The following COG5 variants were observed in gnomAD, a reference collection of about 807,000 sequenced individuals.
COG5 encodes conserved oligomeric Golgi complex subunit 5.
A neutral mutation model predicts 110.4 loss-of-function variants in COG5; 86 were observed. The ratio of observed to expected loss-of-function variants is 0.78; its 90% CI spans 0.65 to 0.93. The LOEUF (loss-of-function observed/expected upper bound fraction) is 0.93. COG5 is among the 40% of genes least tolerant of loss of function. The probability of loss-of-function intolerance (pLI) is 0.00; values close to 1 mark genes in which losing one functional copy is unlikely to be tolerated. For synonymous variants in COG5, 360 were observed against 334.6 expected (o/e 1.08, Z -0.83); for missense variants, 1,077 against 987.0 (o/e 1.09, Z -1.22).
At chr7:107,471,036 T>A (rs1375407447) in intron 6 of COG5, among the ~76,000 whole-genome samples, 1 of 152,034 alleles carries the variant, frequency 6.6e-6, no homozygotes, top group Non-Finnish European at 1.5e-5. Context: ...AATAACAGTA[T>A]GTTTAGTGTA....
intron 6 of COG5, among the ~76,000 whole-genome samples, chr7:107,495,869 C>T (rs1798240528): frequency 6.6e-6 from 1 of 151,774 alleles, no homozygotes. Context: ...AAAGGAAATC[C>T]CAGACTAGAT....
chr7:107,274,204 G>C (rs1194707982), intron 14 of COG5, among the ~76,000 whole-genome samples: 1 of 152,168 alleles, frequency 6.6e-6, no homozygotes, highest in African/African-American at 2.4e-5. Context: ...TGAGGCAGGA[G>C]GATTGCTTGA....
At chr7:107,562,341 C>T (rs1294067758) in intron 1 of COG5, among the ~76,000 whole-genome samples, 1 of 152,194 alleles carries the variant, frequency 6.6e-6, no homozygotes, top group Non-Finnish European at 1.5e-5. Context: ...ATCCAATGTT[C>T]CACTGTTCAC....
chr7:107,484,240 C>T (rs1452135072), intron 6 of COG5, among the ~76,000 whole-genome samples: 59 of 151,858 alleles, frequency 3.9e-4, no homozygotes, highest in Admixed American at 3.9e-3. Flanking sequence ...ATTTTAGACA[C>T]AACTGAACTA....
intron 5 of COG5, among the ~76,000 whole-genome samples, chr7:107,530,621 A>C (rs993029221): frequency 6.6e-6 from 1 of 151,248 alleles, no homozygotes; most frequent in African/African-American, 2.4e-5. Context: ...AAAAAAAAAA[A>C]AAAAACACAG....
chr7:107,213,910 A>G (rs1329951552), intron 19 of COG5, among the ~76,000 whole-genome samples: 2 of 152,226 alleles, frequency 1.3e-5, no homozygotes, highest in African/African-American at 2.4e-5. Context: ...AAGCTCTAAT[A>G]ATGGACCCTA....
intron 12 of COG5, among the ~76,000 whole-genome samples, chr7:107,291,877 T>C (rs1806205848): frequency 6.6e-6 from 1 of 152,202 alleles, no homozygotes; most frequent in African/African-American, 2.4e-5. Flanking sequence ...TCCCATTGCC[T>C]TTCACCACAC....
chr7:107,353,437 A>G (rs1812352532), intron 10 of COG5, among the ~76,000 whole-genome samples: 1 of 151,490 alleles, frequency 6.6e-6, no homozygotes, highest in Non-Finnish European at 1.5e-5. Context: ...AAAAAAAAAA[A>G]AAAAAAGAAA....
chr7:107,294,184 T>C (rs1245296135), intron 12 of COG5, among the ~76,000 whole-genome samples: 1 of 152,220 alleles, frequency 6.6e-6, no homozygotes, highest in Non-Finnish European at 1.5e-5. Context: ...AATTCACCAG[T>C]TTCAAAAGAA....
At chr7:107,525,410 C>T (rs1230084100) in intron 6 of COG5, among the ~76,000 whole-genome samples, 1 of 152,054 alleles carries the variant, frequency 6.6e-6, no homozygotes. Context: ...TTTAATGATT[C>T]CATAATCCTA....
At chr7:107,347,146 T>C (rs754096995) in intron 10 of COG5, among the ~76,000 whole-genome samples, 1 of 152,162 alleles carries the variant, frequency 6.6e-6, no homozygotes, top group Non-Finnish European at 1.5e-5. Flanking sequence ...CTCAAACAAC[T>C]AAAGAGTTTG....
chr7:107,398,967 C>T (rs1275066185), intron 7 of COG5, among the ~76,000 whole-genome samples: 1 of 151,904 alleles, frequency 6.6e-6, no homozygotes, highest in Non-Finnish European at 1.5e-5. Context: ...TTTGGGAGGC[C>T]GAAGCAGGGA....
At chr7:107,214,866 A>G (rs1799409589) in intron 19 of COG5, among the ~76,000 whole-genome samples, 1 of 151,608 alleles carries the variant, frequency 6.6e-6, no homozygotes, top group South Asian at 2.1e-4. Flanking sequence ...GGTTGTAGTG[A>G]GCCAAGATGG....
chr7:107,362,551 G>GTA (rs1813218440), intron 8 of COG5, 131 bp from the exon 9 acceptor site: 1 of 670,200 alleles, frequency 1.5e-6, no homozygotes, highest in African/African-American at 1.8e-5. Context: ...AATTTATTGA[G>GTA]TAAGAATCTT....
chr7:107,356,658 C>T (rs1349046411), intron 10 of COG5, among the ~76,000 whole-genome samples: 1 of 151,474 alleles, frequency 6.6e-6, no homozygotes, highest in Non-Finnish European at 1.5e-5. Context: ...AGACAGATTC[C>T]AGTGTAGAAA....
In COG5 at chr7:107,548,117, T is replaced by G. The variant is rs747083048; in HGVS notation, c.411A>C (p.Arg137Ser). ...KIVARTAQLA[R>S]LQVACDLLRR... ...AATAAAAGTAAGAAACTACCTGAAG[T>G]CTTGCTAGTTGTGCAGTCCGGGCAA... Residue 137 changes from arginine (R) to serine (S), a missense_variant, in exon 5 of 22, where the codon AGA (arginine) becomes AGC (serine). Physicochemically the swap from Arg to Ser is moderately radical, Grantham distance 110. Coordinates refer to ENST00000297135, the MANE Select transcript of COG5 (RefSeq NM_006348.5). 3.7e-6 allele frequency: 6 copies of G among 1,613,070 alleles called. No individual in the cohort carries two copies. In the South Asian group the frequency reaches 6.6e-5, roughly 18 times the overall value.
chr7:107,274,500 GC>G (rs2116743566), intron 14 of COG5, among the ~76,000 whole-genome samples: 1 of 152,104 alleles, frequency 6.6e-6, no homozygotes, highest in East Asian at 1.9e-4. Context: ...TCTCTCCTGT[GC>G]CCCGTCTTCA....
At chr7:107,248,770 A>AG (rs1036503525) in intron 16 of COG5, among the ~76,000 whole-genome samples, 1 of 152,190 alleles carries the variant, frequency 6.6e-6, no homozygotes, top group Non-Finnish European at 1.5e-5. Flanking sequence ...CCCATGAAAA[A>AG]GGGAAGGCAT....
intron 8 of COG5, among the ~76,000 whole-genome samples, chr7:107,363,089 G>T (rs771641422): frequency 2.0e-5 from 3 of 152,110 alleles, no homozygotes; most frequent in Non-Finnish European, 2.9e-5. Context: ...GCAAAATAAG[G>T]TTCTCAGTGT....
Sources: gnomAD v4.1 joint callset for allele counts (sites outside exome capture counted in the v4.1 genomes callset) on GRCh38, gnomAD v4.1.1 for gene constraint, MANE v1.5 for transcripts, NCBI Gene and HGNC (gene_info 2026-07-23, HGNC 2026-07-21) for gene names.